KAZN: variants seen among roughly 807,000 people sequenced by gnomAD.
KAZN encodes kazrin, periplakin interacting protein, also known as kazrin.
Under a neutral mutation model 87.4 loss-of-function variants are expected in KAZN, and 40 were observed. The observed-to-expected ratio is 0.46, with a 90% CI of 0.36 to 0.60. The LOEUF (loss-of-function observed/expected upper bound fraction) is 0.60. Ranked by LOEUF, KAZN falls within the 20% of genes least tolerant of loss-of-function variation. The probability of loss-of-function intolerance (pLI) is 0.00; values close to 1 mark genes in which losing one functional copy is unlikely to be tolerated. For synonymous variants in KAZN, 466 were observed against 458.3 expected (o/e 1.02, Z -0.22); for missense variants, 898 against 1,073.9 (o/e 0.84, Z 2.29).
chr1:14,542,671 A>T (rs1156812794), intron 2 of KAZN, among the ~76,000 whole-genome samples: 1 of 152,160 alleles, frequency 6.6e-6, no homozygotes, highest in African/African-American at 2.4e-5. Flanking sequence ...TGAGCATAGT[A>T]TCGGATAGGT....
intron 2 of KAZN, among the ~76,000 whole-genome samples, chr1:14,428,915 T>C (rs1248802570): frequency 6.6e-6 from 1 of 151,862 alleles, no homozygotes; most frequent in Non-Finnish European, 1.5e-5. Flanking sequence ...TTTATATATA[T>C]ATATAGGCTT....
intron 2 of KAZN, among the ~76,000 whole-genome samples, chr1:14,979,737 T>C (rs1026273477): frequency 1.3e-5 from 2 of 152,130 alleles, no homozygotes; most frequent in African/African-American, 4.8e-5. Flanking sequence ...TGAGTTCAAA[T>C]CCTGCCTCCT....
At chr1:14,753,036 C>T (rs12082497) in intron 1 of KAZN, among the ~76,000 whole-genome samples, 7,529 of 152,148 alleles carry the variant, frequency 0.049, 423 homozygotes, top group African/African-American at 0.14. Flanking sequence ...GCATTGGTGA[C>T]ATCAGTGCTT....
chr1:14,291,916 CCTT>C (rs763914424), intron 2 of KAZN, among the ~76,000 whole-genome samples: 18 of 152,178 alleles, frequency 1.2e-4, no homozygotes, highest in Admixed American at 5.9e-4. Flanking sequence ...TGTTGCTTCT[CCTT>C]CTACCATGAT....
chr1:14,194,843 T>A (rs1324417483), intron 2 of KAZN, among the ~76,000 whole-genome samples: 5 of 152,208 alleles, frequency 3.3e-5, no homozygotes, highest in African/African-American at 1.2e-4. Context: ...TTTGTATAAT[T>A]TGGGAGTCTG....
At chr1:14,810,681 C>G (rs1646380718) in intron 1 of KAZN, among the ~76,000 whole-genome samples, 1 of 152,192 alleles carries the variant, frequency 6.6e-6, no homozygotes, top group Non-Finnish European at 1.5e-5. Context: ...GATGTGAACT[C>G]AGGCCTGCCG....
In KAZN at chr1:14,174,361, G is replaced by C. The variant is rs556004206; in HGVS notation, c.92-6074G>C. ...GTAGAGAGGGAACTTATGTGTCAAC[G>C]TGATGTTGCTCAGTAGCTCCTTGAG... On this transcript the variant is annotated intron_variant, in intron 1 of 16. Coordinates refer to the KAZN transcript ENST00000636203. Among the ~76,000 whole-genome samples the C allele has an allele frequency of 1.2e-4, 19 of 152,304 alleles. 1 individual carries two copies. The South Asian group carries it at 3.7e-3, about 30-fold the overall frequency.
chr1:15,103,027 A>G (rs909325372), intron 11 of KAZN, among the ~76,000 whole-genome samples: 1 of 152,220 alleles, frequency 6.6e-6, no homozygotes, highest in African/African-American at 2.4e-5. Context: ...CTGGGAGGCC[A>G]GGGTGGGTGG....
chr1:14,843,803 A>C (rs1171521107), intron 1 of KAZN, among the ~76,000 whole-genome samples: 1 of 152,138 alleles, frequency 6.6e-6, no homozygotes, highest in Non-Finnish European at 1.5e-5. Context: ...CTTTTCTGCT[A>C]ATCTTGAGTT....
chr1:14,554,374 C>T (rs971690450), intron 2 of KAZN, among the ~76,000 whole-genome samples: 1 of 152,176 alleles, frequency 6.6e-6, no homozygotes, highest in African/African-American at 2.4e-5. Flanking sequence ...GTTCACAGCT[C>T]AGTCCCAGGA....
chr1:14,358,359 TA>T lies in KAZN; in HGVS notation c.249+177778del, dbSNP rs57844400. ...AGGTCTATCTATTTTGTAAATCTTTTAAAAAAAAAAACCAGCTCAGGGATTC... is the reference window on the plus strand; with the variant it reads ...AGGTCTATCTATTTTGTAAATCTTTTAAAAAAAAAACCAGCTCAGGGATTC... On this transcript the variant is annotated intron_variant, in intron 2 of 16. Coordinates refer to the KAZN transcript ENST00000636203. Among the ~76,000 whole-genome samples the T allele has an allele frequency of 1.0e-3, 151 of 148,820 alleles. 3 individuals are homozygous for T. Among genetic ancestry groups the T allele is most frequent in the East Asian group, 0.01 (51 of 5,084 alleles).
intron 6 of KAZN, 165 bp downstream of exon 6, chr1:15,060,467 G>A (rs1480336323): frequency 1.2e-4 from 107 of 930,428 alleles, no homozygotes; most frequent in Non-Finnish European, 1.2e-4. Flanking sequence ...AGAAGCGATG[G>A]ATGTGGGGAG....
At chr1:14,871,449 A>T (rs1283881051) in intron 1 of KAZN, among the ~76,000 whole-genome samples, 1 of 152,094 alleles carries the variant, frequency 6.6e-6, no homozygotes, top group Non-Finnish European at 1.5e-5. Flanking sequence ...GAAACTGGGG[A>T]AAAGTGTACA....
At chr1:13,926,146 C>A (rs990354099) in intron 1 of KAZN, among the ~76,000 whole-genome samples, 3 of 152,046 alleles carry the variant, frequency 2.0e-5, no homozygotes, top group African/African-American at 7.3e-5. Flanking sequence ...AAGCTTTCAC[C>A]AATTCTCTCC....
chr1:14,410,583 CT>C (rs1664224914), intron 2 of KAZN, among the ~76,000 whole-genome samples: 1 of 152,196 alleles, frequency 6.6e-6, no homozygotes, highest in Non-Finnish European at 1.5e-5. Flanking sequence ...GAAAAAGGAC[CT>C]TCACAGATGT....
chr1:15,017,246 C>T (rs1441125793), intron 2 of KAZN, among the ~76,000 whole-genome samples: 7 of 150,654 alleles, frequency 4.6e-5, no homozygotes, highest in Non-Finnish European at 1.0e-4. Flanking sequence ...TACAGTGAGC[C>T]GAGATCACAC....
intron 2 of KAZN, among the ~76,000 whole-genome samples, chr1:14,300,839 G>C (rs1654499624): frequency 6.6e-6 from 1 of 152,148 alleles, no homozygotes; most frequent in South Asian, 2.1e-4. Flanking sequence ...TGCATCCCTA[G>C]GACGTATCCT....
Position 14,414,843 on chromosome 1 carries a change from G to A in KAZN, c.250-184140G>A, listed in dbSNP as rs566555109. Among the ~76,000 whole-genome samples the A allele has an allele frequency of 1.3e-3, 204 of 152,130 alleles. 3 individuals are homozygous for A. The highest frequency in any genetic ancestry group is 4.9e-3 in the African/African-American group (204 of 41,464). ...AGTTCGAGACCAGCCTAACCAATAT[G>A]GTGAAACCCCGTCTCTACTAAAAAA... On this transcript the variant is annotated intron_variant, in intron 2 of 16. Coordinates refer to the KAZN transcript ENST00000636203.
At chr1:14,117,878 GA>G (rs1347293518) in intron 1 of KAZN, among the ~76,000 whole-genome samples, 1 of 152,204 alleles carries the variant, frequency 6.6e-6, no homozygotes, top group Non-Finnish European at 1.5e-5. Flanking sequence ...ACCCAAATGA[GA>G]AGGCCCAGTC....
Sources: allele counts gnomAD v4.1 joint callset (sites outside exome capture counted in the v4.1 genomes callset), GRCh38; gene constraint gnomAD v4.1.1; transcripts MANE v1.5; gene names NCBI Gene and HGNC (gene_info 2026-07-23, HGNC 2026-07-21).